RASSF5: variants seen among roughly 807,000 people sequenced by gnomAD.
RASSF5 encodes ras association domain-containing protein 5.
RASSF5 carries 25 observed loss-of-function variants against 40.5 expected under a neutral mutation model. The observed-to-expected ratio is 0.62, with a 90% CI of 0.45 to 0.86. The LOEUF (loss-of-function observed/expected upper bound fraction) is 0.86. RASSF5 is among the 40% of genes least tolerant of loss of function. The probability of loss-of-function intolerance (pLI) is 0.00; values close to 1 mark genes in which losing one functional copy is unlikely to be tolerated. For missense variants in RASSF5, 521 were observed against 572.8 expected (o/e 0.91, Z 0.92); for synonymous variants, 246 against 252.4 (o/e 0.97, Z 0.24).
intron 2 of RASSF5, among the ~76,000 whole-genome samples, chr1:206,563,240 C>A (rs1668195505): frequency 6.6e-6 from 1 of 152,084 alleles, no homozygotes; most frequent in South Asian, 2.1e-4. Flanking sequence ...CAGCTGTGAG[C>A]CCTGGTAGAA....
At chr1:206,512,867 C>A (rs1220863763) in intron 1 of RASSF5, among the ~76,000 whole-genome samples, 1 of 152,166 alleles carries the variant, frequency 6.6e-6, no homozygotes, top group South Asian at 2.1e-4. Flanking sequence ...TCTGAAGAGC[C>A]CAAAGTGTTT....
intron 1 of RASSF5, among the ~76,000 whole-genome samples, chr1:206,514,859 G>A (rs1666707144): frequency 6.6e-6 from 1 of 152,222 alleles, no homozygotes; most frequent in African/African-American, 2.4e-5. Context: ...GTTGAGAATG[G>A]CAAAGAAACT....
At chr1:206,557,036 A>G in intron 2 of RASSF5, 1 of 545,452 alleles carries the variant, frequency 1.8e-6, no homozygotes. Context: ...TGCATCCCTT[A>G]TATGACCTGC....
intron 2 of RASSF5, among the ~76,000 whole-genome samples, chr1:206,581,596 A>AAAAG (rs200979291): frequency 0.036 from 5,484 of 150,810 alleles, 310 homozygotes; most frequent in African/African-American, 0.12. Context: ...GAGACGAAAG[A>AAAAG]AAAGAAAGAA....
chr1:206,508,219 T>C (rs1206109077), intron 1 of RASSF5, among the ~76,000 whole-genome samples, 160 bp downstream of exon 1: 3 of 152,198 alleles, frequency 2.0e-5, no homozygotes, highest in Admixed American at 6.5e-5. Flanking sequence ...AGTCCGCTCC[T>C]TAGTTCCCTG....
intron 1 of RASSF5, among the ~76,000 whole-genome samples, chr1:206,524,355 T>A (rs1269471020): frequency 1.4e-5 from 2 of 140,622 alleles, no homozygotes; most frequent in African/African-American, 5.2e-5. Context: ...ATTTTATATA[T>A]ATTATAGATA....
In RASSF5 at chr1:206,578,231, AAAGT is replaced by A. The variant is rs1281332155; in HGVS notation, c.580-5037_580-5034del. ...ACAGAGGGAGACATCTCAAAAAAAA[AAAGT>A]GTGTGTGTGTGTGTGTGTGTGTGTG... On this transcript the variant is annotated intron_variant, in intron 2 of 5. Coordinates refer to ENST00000579436, the MANE Select transcript of RASSF5 (RefSeq NM_182663.4). 3.6e-4 allele frequency among the ~76,000 whole-genome samples: 37 copies of A among 103,562 alleles called. No individual in the cohort carries two copies. The South Asian group carries it at 9.7e-3, about 27-fold the overall frequency. 67.9% of individuals were successfully genotyped at this position (103,562 alleles called of 152,430 possible). A position where few individuals can be genotyped will look rare whatever the true frequency, so the allele number is the denominator to read the frequency against.
chr1:206,546,089 A>ATTTTTTTTTTTTTTTTTTT (rs10603701), intron 2 of RASSF5, among the ~76,000 whole-genome samples: 1 of 48,236 alleles, frequency 2.1e-5, no homozygotes, highest in Non-Finnish European at 3.7e-5. Flanking sequence ...TTCTTTTTCT[A>ATTTTTTTTTTTTTTTTTTT]TTTTTTTTTT....
rs1022721572 is a variant in RASSF5 at position 206,587,208 on chromosome 1, A to G, written c.*230A>G. On this transcript the variant is annotated 3_prime_UTR_variant, in exon 6 of 6. Coordinates refer to ENST00000579436, the MANE Select transcript of RASSF5 (RefSeq NM_182663.4). Reference sequence around the variant, plus strand: ...CAGATTCTGCCAAGGATCAGAACTCATGTGAAACAAACAGCTGACGTCCTC... The same window carrying G: ...CAGATTCTGCCAAGGATCAGAACTCGTGTGAAACAAACAGCTGACGTCCTC... The G allele has an allele frequency of 4.7e-5, 24 of 508,850 alleles. No homozygotes were observed. The allele number at this position is 508,850 out of a possible 1,614,324, so 31.5% of individuals were successfully genotyped here.
intron 2 of RASSF5, chr1:206,557,373 A>G: frequency 7.4e-7 from 1 of 1,344,228 alleles, no homozygotes; most frequent in Middle Eastern, 2.8e-4. Flanking sequence ...GGGCCGCCCG[A>G]GCGCTCGCAC....
chr1:206,558,926 G>C (rs1668069091), intron 2 of RASSF5, among the ~76,000 whole-genome samples: 1 of 152,084 alleles, frequency 6.6e-6, no homozygotes, highest in Non-Finnish European at 1.5e-5. Context: ...GCAGAGGGGA[G>C]GTGTCCCACC....
intron 2 of RASSF5, among the ~76,000 whole-genome samples, chr1:206,570,245 C>A (rs534455057): frequency 6.6e-6 from 1 of 151,910 alleles, no homozygotes; most frequent in South Asian, 2.1e-4. Context: ...GCATGGACCA[C>A]CACGCTTGGC....
At chr1:206,530,346 T>C (rs1667205138) in intron 1 of RASSF5, among the ~76,000 whole-genome samples, 1 of 152,228 alleles carries the variant, frequency 6.6e-6, no homozygotes. Context: ...TCAATATGCA[T>C]CATCTTATAT....
chr1:206,541,586 G>T (rs1310881786), intron 2 of RASSF5, among the ~76,000 whole-genome samples: 5 of 152,168 alleles, frequency 3.3e-5, no homozygotes, highest in Non-Finnish European at 7.3e-5. Flanking sequence ...GATCTCTGAG[G>T]TCTCTGATAT....
In RASSF5 at chr1:206,524,558, A is replaced by AATATATTATGTATAATATATAAAAT. The variant is rs1558498920; in HGVS notation, c.458-13604_458-13580dup. On this transcript the variant is annotated intron_variant, in intron 1 of 5. Transcript: ENST00000579436. ...ATGTTTATATATAAAATACATATAA[A>AATATATTATGTATAATATATAAAAT]ATATATTATGTATAATATATAAAAT... 9.1e-3 allele frequency among the ~76,000 whole-genome samples: 498 copies of AATATATTATGTATAATATATAAAAT among 54,842 alleles called. 6 individuals are homozygous for AATATATTATGTATAATATATAAAAT. Among genetic ancestry groups the AATATATTATGTATAATATATAAAAT allele is most frequent in the South Asian group, 0.024 (24 of 1,004 alleles). 36.0% of individuals were successfully genotyped at this position (54,842 alleles called of 152,430 possible).
intron 1 of RASSF5, among the ~76,000 whole-genome samples, chr1:206,518,697 C>T (rs1050418282): frequency 2.0e-5 from 3 of 152,150 alleles, no homozygotes; most frequent in Non-Finnish European, 4.4e-5. Flanking sequence ...TCCGCAAGGA[C>T]AAAGGCACAG....
At chr1:206,539,506 TTCTC>T (rs1667494963) in intron 2 of RASSF5, among the ~76,000 whole-genome samples, 1 of 152,236 alleles carries the variant, frequency 6.6e-6, no homozygotes, top group Non-Finnish European at 1.5e-5. Flanking sequence ...CCTCACGCCT[TTCTC>T]TCTCCCTGGA....
At position 206,587,305 on chromosome 1, in the gene RASSF5, C is replaced by T. The variant is rs779954865; in HGVS notation, c.*327C>T. 4 of 355,944 alleles carry T rather than the reference C, an allele frequency of 1.1e-5. No homozygotes were observed. The highest frequency in any genetic ancestry group is 9.8e-4 in the Middle Eastern group (1 of 1,022). 22.0% of individuals were successfully genotyped at this position (355,944 alleles called of 1,614,324 possible). A position where few individuals can be genotyped will look rare whatever the true frequency, so the allele number is the denominator to read the frequency against. On this transcript the variant is annotated 3_prime_UTR_variant, in exon 6 of 6. Coordinates refer to ENST00000579436, the MANE Select transcript of RASSF5 (RefSeq NM_182663.4). ...CACCAAACTGGAACCTCACACCAGC[C>T]GGCAAAGGAAGGAAGAAAGGTTTTA...
Position 206,584,925 on chromosome 1 carries a change from A to G in RASSF5, c.988+241A>G. 2 of 607,740 alleles carry G rather than the reference A, an allele frequency of 3.3e-6. No homozygotes were observed. The highest frequency in any genetic ancestry group is 3.7e-5 in the African/African-American group (2 of 54,068). The allele number at this position is 607,740 out of a possible 1,614,324, so 37.6% of individuals were successfully genotyped here. ...AGGCTCCCATTTCCTGATCTGTGCA[A>G]TGGGAGGAATCTGCCCCACCATTCC... On this transcript the variant is annotated intron_variant, in intron 4 of 5. Transcript: ENST00000579436. This position sits in a 1 kb window ranked among gnomAD's most constrained non-coding sequence, Gnocchi z 4.9.
Sources: allele counts gnomAD v4.1 joint callset (sites outside exome capture counted in the v4.1 genomes callset), GRCh38; gene constraint gnomAD v4.1.1; non-coding constraint Gnocchi (gnomAD v3.1); transcripts MANE v1.5; gene names NCBI Gene and HGNC (gene_info 2026-07-23, HGNC 2026-07-21).